The following PER3 variants were observed in gnomAD, a reference collection of about 807,000 sequenced individuals.
The protein encoded by PER3 is period circadian regulator 3, also known as period circadian protein homolog 3.
In PER3, 107 loss-of-function variants were observed where a neutral mutation model predicts 127.2. The ratio of observed to expected loss-of-function variants is 0.84; its 90% CI spans 0.72 to 0.99. The LOEUF (loss-of-function observed/expected upper bound fraction) is 0.99, where lower values mean the gene tolerates loss of function less well. Ranked by LOEUF, PER3 falls within the 50% of genes least tolerant of loss-of-function variation. The pLI is 0.00. For synonymous variants in PER3, 618 were observed against 585.8 expected (o/e 1.05, Z -0.79); for missense variants, 1,560 against 1,525.8 (o/e 1.02, Z -0.37).
intron 6 of PER3, among the ~76,000 whole-genome samples, chr1:7,797,645 A>G (rs948884800): frequency 2.6e-4 from 40 of 152,066 alleles, no homozygotes; most frequent in African/African-American, 8.4e-4. Flanking sequence ...TTAAAAAAAA[A>G]AAAAAAAGAA....
At chr1:7,820,306 A>T in intron 15 of PER3, 67 bp downstream of exon 15, 1 of 1,527,918 alleles carries the variant, frequency 6.5e-7, no homozygotes, top group Non-Finnish European at 8.9e-7. Context: ...TTTCTCTTTA[A>T]TGTCTTATAT....
intron 12 of PER3, 55 bp downstream of exon 12, chr1:7,810,076 C>G: frequency 6.6e-7 from 1 of 1,525,004 alleles, no homozygotes; most frequent in Non-Finnish European, 9.0e-7. Flanking sequence ...TGTACTACCT[C>G]GGTTCTGAAT....
intron 8 of PER3, among the ~76,000 whole-genome samples, 157 bp from the exon 9 acceptor site, chr1:7,802,890 G>A (rs764796187): frequency 1.3e-5 from 2 of 152,210 alleles, no homozygotes; most frequent in Non-Finnish European, 2.9e-5. Flanking sequence ...TTTCCCCCAG[G>A]ATGGGCACTT....
At chr1:7,788,466 G>T (rs1039492275) in intron 5 of PER3, 2 of 547,498 alleles carry the variant, frequency 3.7e-6, no homozygotes, top group African/African-American at 3.8e-5. Flanking sequence ...TTTCACAGAT[G>T]ATATGTCATA....
chr1:7,840,356 C>T (rs1273576282), intron 21 of PER3, among the ~76,000 whole-genome samples: 1 of 149,766 alleles, frequency 6.7e-6, no homozygotes, highest in Admixed American at 6.7e-5. Flanking sequence ...TAGACAAGGT[C>T]TCACTCTGTC....
At chr1:7,825,157 G>A (rs183832875) in intron 16 of PER3, among the ~76,000 whole-genome samples, 2 of 151,994 alleles carry the variant, frequency 1.3e-5, no homozygotes, top group Admixed American at 1.3e-4. Context: ...ATGCAGAGTG[G>A]GCCAAACCTA....
intron 13 of PER3, among the ~76,000 whole-genome samples, chr1:7,811,789 C>T (rs1891217): frequency 0.062 from 9,450 of 152,238 alleles, 415 homozygotes; most frequent in Middle Eastern, 0.21. Context: ...GGGGGACACA[C>T]ACATTCAAAC....
chr1:7,812,775 G>T (rs78754941), intron 13 of PER3, among the ~76,000 whole-genome samples: 3,476 of 152,280 alleles, frequency 0.023, 58 homozygotes, highest in Middle Eastern at 0.037. Flanking sequence ...GGAGAAGAAG[G>T]AAGATCTCTT....
chr1:7,820,599 G>T lies in PER3; in HGVS notation c.1916G>T (p.Gly639Val), dbSNP rs1355825040. 1.2e-6 allele frequency: 2 copies of T among 1,614,034 alleles called. No homozygotes were observed. Among genetic ancestry groups the T allele is most frequent in the Admixed American group, 3.3e-5 (2 of 59,996 alleles). ...LSLGSGISQC[G>V]YSSTIVHVPP... ...TTGGGGTCGGGCATAAGCCAATGCGGTTACAGCAGCACCATTGTCCATGTC... is the reference window on the plus strand; with the variant it reads ...TTGGGGTCGGGCATAAGCCAATGCGTTTACAGCAGCACCATTGTCCATGTC... The change falls in exon 16 of 22, where the codon GGT (glycine) becomes GTT (valine). Residue 639 changes from glycine (G) to valine (V), a missense_variant. Physicochemically the swap from Gly to Val is moderately radical, Grantham distance 109 (BLOSUM62 -3). Transcript: ENST00000377532.
At chr1:7,816,548 GATAC>G (rs2097252356) in intron 13 of PER3, among the ~76,000 whole-genome samples, 1 of 152,066 alleles carries the variant, frequency 6.6e-6, no homozygotes, top group Non-Finnish European at 1.5e-5. Context: ...TTCCAAAGAA[GATAC>G]ATAAACAGTA....
intron 4 of PER3, 181 bp from the exon 5 acceptor site, chr1:7,787,864 T>C: frequency 1.7e-6 from 1 of 605,164 alleles, no homozygotes; most frequent in Non-Finnish European, 2.9e-6. Flanking sequence ...GTGCAGGTCT[T>C]AGGAGAAGAT....
chr1:7,803,620 G>T, intron 9 of PER3, 72 bp from the exon 10 acceptor site: 1 of 940,838 alleles, frequency 1.1e-6, no homozygotes, highest in Non-Finnish European at 1.6e-6. Context: ...ACAAATAAAT[G>T]GCTTAAAAAG....
chr1:7,808,357 T>C (rs12566473), intron 10 of PER3, among the ~76,000 whole-genome samples: 7,377 of 152,150 alleles, frequency 0.048, 629 homozygotes, highest in East Asian at 0.27. Flanking sequence ...TGCCATTCAC[T>C]GTATTCAGGT....
At position 7,836,998 on chromosome 1, in the gene PER3, G is replaced by C. The variant is rs745374093; in HGVS notation, c.3399-1G>C. The C allele has an allele frequency of 6.8e-6, 11 of 1,611,208 alleles. No individual in the cohort carries two copies. The highest frequency in any genetic ancestry group is 1.3e-5 in the African/African-American group (1 of 74,706). On this transcript the variant is annotated splice_acceptor_variant, in intron 20 of 21. Coordinates refer to ENST00000377532, the MANE Select transcript of PER3 (RefSeq NM_001377275.1). LOFTEE classifies it high-confidence loss of function. ...TTAAGATTCTGTTTGTTTGTTTTCAGGGTTAAAGAAGTTGTACTAAAAGAA... is the reference window on the plus strand; with the variant it reads ...TTAAGATTCTGTTTGTTTGTTTTCACGGTTAAAGAAGTTGTACTAAAAGAA...
rs531961893 is a variant in PER3, at chr1:7,808,062, G to A, written c.1137-831G>A. On this transcript the variant is annotated intron_variant, in intron 10 of 21. Transcript: ENST00000377532. ...AGCCTGGCCAACATGGCGAAACCCC[G>A]TCTCTACTAAAAATACAAAAATTAG... Among the ~76,000 whole-genome samples, 18 of 151,888 alleles carry A rather than the reference G, an allele frequency of 1.2e-4. No homozygotes were observed. The South Asian group carries it at 2.3e-3, about 19-fold the overall frequency.
intron 8 of PER3, among the ~76,000 whole-genome samples, chr1:7,802,632 ACATCAT>A (rs140732477): frequency 0.048 from 7,367 of 152,272 alleles, 605 homozygotes; most frequent in East Asian, 0.27. Context: ...TATTCATTTA[ACATCAT>A]CAGCATCTTT....
chr1:7,837,562 A>T (rs12741937), intron 21 of PER3, among the ~76,000 whole-genome samples: 15,981 of 152,304 alleles, frequency 0.1, 1,239 homozygotes, highest in Non-Finnish European at 0.15. Flanking sequence ...GGTAGTATTC[A>T]TACTAAGCAG....
rs1375091796 is a variant in PER3, at chr1:7,829,884, T to C, written c.2937T>C (p.Gly979=). The part of the protein sequence containing the change: ...NGSESSPATT[G]ALSTGSPPRE... The stretch of plus-strand genomic sequence containing the variant: ...GTGAGAGCAGTCCTGCTACTACCGG[T>C]GCACTGTCCACGGGGTCACCTCCCA... Residue 979 remains glycine (G), a synonymous_variant, in exon 19 of 22, where the codon GGT becomes GGC. Coordinates refer to ENST00000377532, the MANE Select transcript of PER3 (RefSeq NM_001377275.1). The C allele has an allele frequency of 6.2e-7, 1 of 1,614,158 alleles. No homozygotes were observed. Among genetic ancestry groups the C allele is most frequent in the Admixed American group, 1.7e-5 (1 of 60,026 alleles).
chr1:7,785,653 T>A, intron 3 of PER3, 67 bp downstream of exon 3: 2 of 1,372,212 alleles, frequency 1.5e-6, no homozygotes, highest in Non-Finnish European at 1.0e-6. Flanking sequence ...GCCAGAGGAG[T>A]GGTCAGTGGG....
Sources: allele counts gnomAD v4.1 joint callset (sites outside exome capture counted in the v4.1 genomes callset), GRCh38; gene constraint gnomAD v4.1.1; transcripts MANE v1.5; gene names NCBI Gene and HGNC (gene_info 2026-07-23, HGNC 2026-07-21).